The following ROBO1 variants were observed in gnomAD, a reference collection of about 807,000 sequenced individuals.
ROBO1 encodes roundabout guidance receptor 1, also known as roundabout homolog 1.
ROBO1 carries 149 observed loss-of-function variants against 195.9 expected under a neutral mutation model. The observed-to-expected ratio is 0.76, with a 90% CI of 0.67 to 0.87. The LOEUF (loss-of-function observed/expected upper bound fraction) is 0.87, where lower values mean the gene tolerates loss of function less well. ROBO1 is among the 40% of genes least tolerant of loss of function. ROBO1 has a pLI of 0.00. For synonymous variants in ROBO1, 816 were observed against 733.2 expected, an observed-to-expected ratio of 1.11 and a Z score of -1.82; for missense variants, 1,933 against 2,068.3, an observed-to-expected ratio of 0.93 and a Z score of 1.27.
intron 1 of ROBO1, among the ~76,000 whole-genome samples, chr3:79,739,206 T>A (rs551271375): frequency 6.6e-6 from 1 of 152,340 alleles, no homozygotes; most frequent in South Asian, 2.1e-4. Context: ...GTCATTAATC[T>A]TGACCTCTGC....
At chr3:79,075,269 T>A (rs2079154101) in intron 3 of ROBO1, among the ~76,000 whole-genome samples, 1 of 151,920 alleles carries the variant, frequency 6.6e-6, no homozygotes. Context: ...AATTGAGGTG[T>A]CCTAACCTTC....
chr3:78,631,146 G>T lies in ROBO1; in HGVS notation c.3626+15C>A. On this transcript the variant is annotated intron_variant, in intron 25 of 30. Coordinates refer to ENST00000464233, the MANE Select transcript of ROBO1 (RefSeq NM_002941.4). ...CATATTACACTGTTTACATCTGTTTGGATGCTCCTCTTACCTTTCATCTAC... is the reference window on the plus strand; with the variant it reads ...CATATTACACTGTTTACATCTGTTTTGATGCTCCTCTTACCTTTCATCTAC... 6.2e-7 allele frequency: 1 copy of T among 1,605,312 alleles called. No homozygotes were observed. The highest frequency in any genetic ancestry group is 1.7e-5 in the Admixed American group (1 of 58,788).
chr3:78,912,520 G>C (rs566142010), intron 4 of ROBO1, among the ~76,000 whole-genome samples: 1 of 152,028 alleles, frequency 6.6e-6, no homozygotes, highest in Admixed American at 6.6e-5. Flanking sequence ...TTAAATATTC[G>C]TAATGGATTA....
intron 2 of ROBO1, among the ~76,000 whole-genome samples, chr3:79,284,448 A>C (rs867188092): frequency 2.8e-4 from 42 of 152,192 alleles, no homozygotes; most frequent in South Asian, 1.0e-3. Context: ...AAACATGCAC[A>C]TTCTGCATGT....
At chr3:79,447,652 T>C (rs1406905430) in intron 2 of ROBO1, among the ~76,000 whole-genome samples, 1 of 152,200 alleles carries the variant, frequency 6.6e-6, no homozygotes, top group Non-Finnish European at 1.5e-5. Flanking sequence ...ACCTGATGAT[T>C]ATACAGTACT....
chr3:79,669,287 T>C (rs1202917778), intron 1 of ROBO1, among the ~76,000 whole-genome samples: 1 of 151,792 alleles, frequency 6.6e-6, no homozygotes, highest in Non-Finnish European at 1.5e-5. Context: ...CTGCTTGCCT[T>C]ATGCCGTGAT....
chr3:78,939,014 T>C, intron 3 of ROBO1, 87 bp from the exon 4 acceptor site: 2 of 1,168,340 alleles, frequency 1.7e-6, no homozygotes, highest in South Asian at 3.0e-5. Flanking sequence ...ACCATTACTA[T>C]TTAAACACTG....
In ROBO1 at chr3:79,118,478, G is replaced by A. The variant is rs116477987; in HGVS notation, c.172+6978C>T. Among the ~76,000 whole-genome samples the A allele has an allele frequency of 7.7e-3, 1,175 of 152,000 alleles. 21 individuals carry two copies. Among genetic ancestry groups the A allele is most frequent in the African/African-American group, 0.027 (1,139 of 41,438 alleles). On this transcript the variant is annotated intron_variant, in intron 3 of 30. Coordinates refer to ENST00000464233, the MANE Select transcript of ROBO1 (RefSeq NM_002941.4). ...CATAAATTCTACCTTATGGATGTTG[G>A]CATACCTAATGAACACCTGTATATT...
chr3:79,639,024 TG>T (rs960876255), intron 1 of ROBO1, among the ~76,000 whole-genome samples: 4 of 152,196 alleles, frequency 2.6e-5, no homozygotes, highest in African/African-American at 9.6e-5. Context: ...GTATGTGAAC[TG>T]GAAAAGAATA....
intron 28 of ROBO1, among the ~76,000 whole-genome samples, chr3:78,609,444 C>T (rs1703657904): frequency 6.6e-6 from 1 of 152,158 alleles, no homozygotes; most frequent in Non-Finnish European, 1.5e-5. Flanking sequence ...ACACAGAGTA[C>T]CTGTCTTCCC....
chr3:78,705,248 G>A (rs1381367099), intron 8 of ROBO1, among the ~76,000 whole-genome samples: 1 of 152,020 alleles, frequency 6.6e-6, no homozygotes, highest in Non-Finnish European at 1.5e-5. Flanking sequence ...CAATTAACAG[G>A]GACCTGATGA....
chr3:79,670,841 G>A (rs1253135005), intron 1 of ROBO1, among the ~76,000 whole-genome samples: 1 of 151,770 alleles, frequency 6.6e-6, no homozygotes, highest in Non-Finnish European at 1.5e-5. Flanking sequence ...AGTCCCTAGG[G>A]TGAATTTGGG....
At position 79,064,449 on chromosome 3, in the gene ROBO1, C is replaced by A. The variant is rs375316951; in HGVS notation, c.172+61007G>T. On this transcript the variant is annotated intron_variant, in intron 3 of 30. Transcript: ENST00000464233. Reference sequence around the variant, plus strand: ...ATGCTTATAACTGAATATAACAAGTCTCTCTAATGTTTTTCCTGTACTTCA... The same window carrying A: ...ATGCTTATAACTGAATATAACAAGTATCTCTAATGTTTTTCCTGTACTTCA... Among the ~76,000 whole-genome samples the A allele has an allele frequency of 3.3e-4, 50 of 151,968 alleles. 1 individual carries two copies. In the East Asian group the frequency reaches 6.1e-3, roughly 18 times the overall value.
chr3:78,817,466 A>G (rs1355308155), intron 4 of ROBO1, among the ~76,000 whole-genome samples: 1 of 152,154 alleles, frequency 6.6e-6, no homozygotes, highest in Non-Finnish European at 1.5e-5. Flanking sequence ...TACTAGCTTT[A>G]TTGTGATGGT....
At chr3:79,223,056 T>C (rs781479166) in intron 2 of ROBO1, among the ~76,000 whole-genome samples, 5 of 152,120 alleles carry the variant, frequency 3.3e-5, no homozygotes, top group Admixed American at 1.3e-4. Context: ...TAGGTACTAA[T>C]TGGAAGAGGG....
chr3:78,758,525 CAAAAAAAAA>C (rs5850391), intron 4 of ROBO1, among the ~76,000 whole-genome samples: 23 of 85,306 alleles, frequency 2.7e-4, no homozygotes, highest in African/African-American at 1.1e-3. Context: ...GACCCTATCT[CAAAAAAAAA>C]AAAAAAAAAA....
At chr3:79,147,701 T>C (rs1371580441) in intron 2 of ROBO1, among the ~76,000 whole-genome samples, 1 of 152,000 alleles carries the variant, frequency 6.6e-6, no homozygotes, top group Non-Finnish European at 1.5e-5. Flanking sequence ...GTGAGATAGT[T>C]AATGACTCTA....
intron 3 of ROBO1, among the ~76,000 whole-genome samples, chr3:78,958,087 T>G (rs1471050240): frequency 6.6e-6 from 1 of 152,222 alleles, no homozygotes; most frequent in Non-Finnish European, 1.5e-5. Context: ...TAGGACAATA[T>G]ATAATACAGT....
intron 2 of ROBO1, among the ~76,000 whole-genome samples, chr3:79,442,902 T>C (rs2039109036): frequency 6.6e-6 from 1 of 152,152 alleles, no homozygotes; most frequent in African/African-American, 2.4e-5. Flanking sequence ...CAAGTTTTGA[T>C]TGCAAGGTAA....
Sources: allele counts gnomAD v4.1 joint callset (sites outside exome capture counted in the v4.1 genomes callset), GRCh38; gene constraint gnomAD v4.1.1; transcripts MANE v1.5; gene names NCBI Gene and HGNC (gene_info 2026-07-23, HGNC 2026-07-21).